TRPC7: variants seen among roughly 807,000 people sequenced by gnomAD.
TRPC7 encodes transient receptor potential cation channel subfamily C member 7, also known as short transient receptor potential channel 7.
Under a neutral mutation model 90.1 loss-of-function variants are expected in TRPC7, and 42 were observed. The observed-to-expected ratio is 0.47, with a 90% CI of 0.36 to 0.60. The LOEUF (loss-of-function observed/expected upper bound fraction) is 0.60, where lower values mean the gene tolerates loss of function less well. Among genes scored for constraint, TRPC7 ranks in the 20% least tolerant of loss-of-function variants. The probability of loss-of-function intolerance (pLI) is 0.00; values close to 1 mark genes in which losing one functional copy is unlikely to be tolerated. For missense variants in TRPC7, 955 were observed against 1,112.3 expected (o/e 0.86, Z 2.01); for synonymous variants, 451 against 436.3 (o/e 1.03, Z -0.42).
chr5:136,310,517 T>G (rs7727558), intron 3 of TRPC7, among the ~76,000 whole-genome samples: 49,418 of 151,962 alleles, frequency 0.33, 9,578 homozygotes, highest in African/African-American at 0.55. Flanking sequence ...CCAGGAAAAG[T>G]CACCTCAACA....
chr5:136,268,967 A>G (rs1303786329), intron 4 of TRPC7, among the ~76,000 whole-genome samples: 1 of 152,210 alleles, frequency 6.6e-6, no homozygotes, highest in Non-Finnish European at 1.5e-5. Flanking sequence ...TTTTTGAAGT[A>G]AATTACCTTT....
At position 136,212,933 on chromosome 5, in the gene TRPC7, A is replaced by G. The variant is rs1187902242; in HGVS notation, c.*502T>C. Among the ~76,000 whole-genome samples the G allele has an allele frequency of 2.0e-5, 3 of 152,112 alleles. No homozygotes were observed. Among genetic ancestry groups the G allele is most frequent in the East Asian group, 1.9e-4 (1 of 5,190 alleles). The stretch of plus-strand genomic sequence containing the variant: ...TATAAACAAATAGAACTATTTTGCT[A>G]TTAGGCTGTGTTCTCATCTGGCACT... On this transcript the variant is annotated 3_prime_UTR_variant, in exon 12 of 12. Transcript: ENST00000513104.
chr5:136,264,145 A>T (rs1756950199), intron 5 of TRPC7, among the ~76,000 whole-genome samples: 1 of 152,196 alleles, frequency 6.6e-6, no homozygotes, highest in Non-Finnish European at 1.5e-5. Context: ...AAGCTATACA[A>T]GTTGGGGTTC....
chr5:136,342,432 G>C lies in TRPC7; in HGVS notation c.780+14176C>G, dbSNP rs1759873216. On this transcript the variant is annotated intron_variant, in intron 2 of 11. Transcript: ENST00000513104. ...TCTTCCTTCTAAATGGATCTTCACT[G>C]ACCCCTGAGAGTAGGGGTTGTGTTT... Among the ~76,000 whole-genome samples the C allele has an allele frequency of 1.3e-5, 2 of 152,172 alleles. 1 individual carries two copies. The highest frequency in any genetic ancestry group is 2.9e-5 in the Non-Finnish European group (2 of 68,038).
At chr5:136,253,841 G>A (rs1450739423) in intron 5 of TRPC7, among the ~76,000 whole-genome samples, 1 of 152,242 alleles carries the variant, frequency 6.6e-6, no homozygotes, top group Non-Finnish European at 1.5e-5. Context: ...TAAGGTTAGT[G>A]AGGAATGTGT....
At chr5:136,285,129 G>A (rs1052692523) in intron 3 of TRPC7, among the ~76,000 whole-genome samples, 8 of 152,162 alleles carry the variant, frequency 5.3e-5, no homozygotes, top group Admixed American at 4.6e-4. Flanking sequence ...CAGGGTGGCT[G>A]GACCATTGAG....
chr5:136,337,160 C>T (rs1373240443), intron 2 of TRPC7, among the ~76,000 whole-genome samples: 1 of 152,190 alleles, frequency 6.6e-6, no homozygotes. Context: ...TACGTAACCT[C>T]TAAAATCTTA....
intron 2 of TRPC7, among the ~76,000 whole-genome samples, chr5:136,343,101 C>T (rs1253563503): frequency 3.3e-5 from 5 of 152,000 alleles, no homozygotes; most frequent in Non-Finnish European, 7.4e-5. Context: ...CAAACTCCAG[C>T]TGTACTAAGG....
chr5:136,357,418 T>C (rs771619560), intron 1 of TRPC7, 33 bp from the exon 2 acceptor site: 43 of 1,549,106 alleles, frequency 2.8e-5, no homozygotes, highest in Non-Finnish European at 3.6e-5. Context: ...CCTGTTACTT[T>C]CCTGCGGATT....
chr5:136,246,797 TA>T (rs1291966128), intron 7 of TRPC7, among the ~76,000 whole-genome samples: 8 of 152,222 alleles, frequency 5.3e-5, no homozygotes, highest in African/African-American at 1.9e-4. Flanking sequence ...TAATTTTTTT[TA>T]CCACATATTG....
At chr5:136,254,361 T>C (rs1756621257) in intron 5 of TRPC7, among the ~76,000 whole-genome samples, 1 of 152,188 alleles carries the variant, frequency 6.6e-6, no homozygotes, top group African/African-American at 2.4e-5. Flanking sequence ...GCTGACTCTC[T>C]TGTTAGGGAC....
intron 1 of TRPC7, among the ~76,000 whole-genome samples, chr5:136,363,278 ACCTT>A (rs1290536907): frequency 6.6e-6 from 1 of 152,120 alleles, no homozygotes; most frequent in African/African-American, 2.4e-5. Context: ...TCTAAGTATC[ACCTT>A]CCTTTTTCTG....
intron 4 of TRPC7, among the ~76,000 whole-genome samples, chr5:136,269,146 GAGTGC>G (rs1757125196): frequency 6.6e-6 from 1 of 152,170 alleles, no homozygotes; most frequent in African/African-American, 2.4e-5. Flanking sequence ...GCTGTGCCTG[GAGTGC>G]AGAACTGAGA....
In TRPC7 at chr5:136,276,862, CAGAG is replaced by C. The variant is rs556850519; in HGVS notation, c.964-2029_964-2026del. ...TCAGGGTCTAGTCATAGCACAGTCT[CAGAG>C]GGAGTGGTGGGTGAGCATGGGGTGC... On this transcript the variant is annotated intron_variant, in intron 3 of 11. Coordinates refer to ENST00000513104, the MANE Select transcript of TRPC7 (RefSeq NM_020389.3). 1.9e-3 allele frequency among the ~76,000 whole-genome samples: 297 copies of C among 152,354 alleles called. 2 individuals carry two copies. The highest frequency in any genetic ancestry group is 3.1e-3 in the Non-Finnish European group (214 of 68,032).
chr5:136,229,275 C>T (rs975766587), intron 8 of TRPC7, among the ~76,000 whole-genome samples: 5 of 152,232 alleles, frequency 3.3e-5, no homozygotes, highest in Admixed American at 2.6e-4. Flanking sequence ...ACCTCTTCCT[C>T]TCACCTCTTG....
intron 7 of TRPC7, among the ~76,000 whole-genome samples, chr5:136,238,192 T>C (rs1322880555): frequency 6.6e-6 from 1 of 152,238 alleles, no homozygotes; most frequent in Non-Finnish European, 1.5e-5. Flanking sequence ...AGGCCCTCTC[T>C]CATGACTCTT....
At position 136,363,520 on chromosome 5, in the gene TRPC7, C is replaced by T. The variant is rs193255884; in HGVS notation, c.2+1733G>A. Among the ~76,000 whole-genome samples, 695 of 152,202 alleles carry T rather than the reference C, an allele frequency of 4.6e-3. 6 individuals carry two copies. Among genetic ancestry groups the T allele is most frequent in the African/African-American group, 0.016 (653 of 41,544 alleles). ...ATACCTAACTACCCCAAGGTATACACGAGTTCATACATTTCACCAGTTAAA... is the reference window on the plus strand; with the variant it reads ...ATACCTAACTACCCCAAGGTATACATGAGTTCATACATTTCACCAGTTAAA... On this transcript the variant is annotated intron_variant, in intron 1 of 11. Transcript: ENST00000513104.
chr5:136,331,446 C>T (rs1374358411), intron 2 of TRPC7, among the ~76,000 whole-genome samples: 3 of 152,052 alleles, frequency 2.0e-5, no homozygotes, highest in Non-Finnish European at 4.4e-5. Context: ...GCTGACAGAC[C>T]AGAGGAACAC....
intron 6 of TRPC7, among the ~76,000 whole-genome samples, chr5:136,250,322 A>G (rs1283065675): frequency 2.0e-5 from 3 of 152,238 alleles, no homozygotes; most frequent in Non-Finnish European, 2.9e-5. Context: ...CCCTCTGCAG[A>G]TCATTGTTGT....
Sources: gnomAD v4.1 joint callset for allele counts (sites outside exome capture counted in the v4.1 genomes callset) on GRCh38, gnomAD v4.1.1 for gene constraint, MANE v1.5 for transcripts, NCBI Gene and HGNC (gene_info 2026-07-23, HGNC 2026-07-21) for gene names.